PAX5: variants seen among roughly 807,000 people sequenced by gnomAD.
PAX5 encodes paired box protein Pax-5.
In PAX5, 9 loss-of-function variants were observed where a neutral mutation model predicts 43.7. The observed-to-expected ratio is 0.21, with a 90% CI of 0.12 to 0.36. PAX5 has a LOEUF of 0.36. Ranked by LOEUF, PAX5 falls within the 10% of genes least tolerant of loss-of-function variation. The probability of loss-of-function intolerance (pLI) is 1.00; values close to 1 mark genes in which losing one functional copy is unlikely to be tolerated. For missense variants in PAX5, 383 were observed against 532.7 expected (o/e 0.72, Z 2.77); for synonymous variants, 228 against 214.3 (o/e 1.06, Z -0.56).
chr9:36,902,765 A>T (rs1024294363), intron 7 of PAX5, among the ~76,000 whole-genome samples: 3 of 152,102 alleles, frequency 2.0e-5, no homozygotes, highest in Admixed American at 6.5e-5. Flanking sequence ...TTTGAAATCT[A>T]CCCCCACCCA....
chr9:36,835,807 C>T lies in PAX5; in HGVS notation c.*4753G>A. 1 of 233,326 alleles carries T rather than the reference C, an allele frequency of 4.3e-6. No individual in the cohort carries two copies. The highest frequency in any genetic ancestry group is 8.5e-6 in the Non-Finnish European group (1 of 118,104). 14.5% of individuals were successfully genotyped at this position (233,326 alleles called of 1,614,324 possible). A position where few individuals can be genotyped will look rare whatever the true frequency, so the allele number is the denominator to read the frequency against. On this transcript the variant is annotated 3_prime_UTR_variant, in exon 10 of 10. Coordinates refer to ENST00000358127, the MANE Select transcript of PAX5 (RefSeq NM_016734.3). ...CAGAACTGGCCTCGTAGTGGGGCCA[C>T]CGTGGAGCCGGTCTAGCTCAGAGCC...
At chr9:36,919,749 A>C (rs1162455315) in intron 7 of PAX5, among the ~76,000 whole-genome samples, 4 of 147,974 alleles carry the variant, frequency 2.7e-5, no homozygotes, top group Non-Finnish European at 5.9e-5. Flanking sequence ...GCTGAGGCAG[A>C]GAATTGCTTG....
intron 7 of PAX5, among the ~76,000 whole-genome samples, chr9:36,917,851 A>G (rs937858727): frequency 3.3e-5 from 5 of 152,148 alleles, no homozygotes; most frequent in African/African-American, 1.2e-4. Flanking sequence ...CATTTTGGTA[A>G]TTTTTGCGAC....
chr9:36,900,629 G>A (rs957413210), intron 7 of PAX5, among the ~76,000 whole-genome samples: 2 of 152,026 alleles, frequency 1.3e-5, no homozygotes, highest in African/African-American at 4.8e-5. Flanking sequence ...CCCCCACTCC[G>A]GGCTTCTCCA....
chr9:36,972,567 C>T (rs1016720095), intron 5 of PAX5, among the ~76,000 whole-genome samples: 4 of 152,278 alleles, frequency 2.6e-5, no homozygotes, highest in Middle Eastern at 3.4e-3. Context: ...TCCATCCCAC[C>T]GCTAAGAGAC....
intron 8 of PAX5, among the ~76,000 whole-genome samples, chr9:36,874,524 C>T (rs569381020): frequency 6.6e-6 from 1 of 152,326 alleles, no homozygotes; most frequent in South Asian, 2.1e-4. Context: ...TAGGCTTAGC[C>T]TTCTGCCCTA....
At chr9:36,881,625 C>A (rs554475131) in intron 8 of PAX5, among the ~76,000 whole-genome samples, 4 of 148,622 alleles carry the variant, frequency 2.7e-5, no homozygotes, top group African/African-American at 9.8e-5. Context: ...TCTGCTTGTT[C>A]GTGTCACACG....
intron 3 of PAX5, among the ~76,000 whole-genome samples, chr9:37,012,376 T>A (rs532263869): frequency 2.0e-5 from 3 of 152,280 alleles, no homozygotes; most frequent in African/African-American, 7.2e-5. Flanking sequence ...GCACTCTCCA[T>A]CTTGGCCTCT....
chr9:36,927,711 T>C (rs1005319820), intron 6 of PAX5, among the ~76,000 whole-genome samples: 4 of 101,234 alleles, frequency 4.0e-5, no homozygotes, highest in Admixed American at 9.2e-5. Context: ...TTTTTCTTTT[T>C]CTTTTTTTTT....
At chr9:37,001,412 T>C (rs1196222130) in intron 5 of PAX5, among the ~76,000 whole-genome samples, 1 of 151,964 alleles carries the variant, frequency 6.6e-6, no homozygotes, top group Non-Finnish European at 1.5e-5. Flanking sequence ...ACCATCAACC[T>C]CATAAAACAA....
At chr9:37,017,658 G>A (rs2988000) in intron 2 of PAX5, among the ~76,000 whole-genome samples, 133,348 of 152,264 alleles carry the variant, frequency 0.88, 60,321 homozygotes, top group Non-Finnish European at 1. Flanking sequence ...AGCAACTCTG[G>A]GAGGGTGGCA....
chr9:36,929,150 T>A (rs1405203550), intron 6 of PAX5, among the ~76,000 whole-genome samples: 1 of 151,642 alleles, frequency 6.6e-6, no homozygotes, highest in African/African-American at 2.4e-5. Flanking sequence ...GCAGGCCACC[T>A]CAAGTTCTTT....
intron 8 of PAX5, among the ~76,000 whole-genome samples, chr9:36,876,307 G>A (rs1397958105): frequency 6.6e-6 from 1 of 152,204 alleles, no homozygotes; most frequent in Admixed American, 6.5e-5. Context: ...CAATTGAAAG[G>A]CATCTAGAAA....
At chr9:37,027,004 G>A (rs1336288495) in intron 1 of PAX5, among the ~76,000 whole-genome samples, 2 of 152,226 alleles carry the variant, frequency 1.3e-5, no homozygotes, top group Non-Finnish European at 1.5e-5. Context: ...TCACTCAGGG[G>A]GCGGAGAGAC....
intron 8 of PAX5, among the ~76,000 whole-genome samples, chr9:36,858,683 C>T (rs952016520): frequency 6.6e-6 from 1 of 152,148 alleles, no homozygotes; most frequent in Non-Finnish European, 1.5e-5. Flanking sequence ...CAAAAATGGC[C>T]CAGCCCCCTC....
intron 7 of PAX5, among the ~76,000 whole-genome samples, chr9:36,921,483 G>A (rs947570220): frequency 2.6e-5 from 4 of 152,258 alleles, no homozygotes; most frequent in African/African-American, 4.8e-5. Flanking sequence ...CACGGGCCCT[G>A]GCATTCAACT....
intron 3 of PAX5, among the ~76,000 whole-genome samples, chr9:37,014,492 G>A (rs1839223621): frequency 6.6e-6 from 1 of 152,208 alleles, no homozygotes; most frequent in African/African-American, 2.4e-5. Context: ...GCTTGTGGCA[G>A]AGCTGGAACA....
rs56175234 is a variant in PAX5 at position 36,834,417 on chromosome 9, AGTGTGTGTGTGTGT to A, written c.*6129_*6142del. 9.8e-5 allele frequency: 22 copies of A among 224,208 alleles called. No individual in the cohort carries two copies. Among genetic ancestry groups the A allele is most frequent in the Non-Finnish European group, 1.7e-4 (20 of 114,640 alleles). 13.9% of individuals were successfully genotyped at this position (224,208 alleles called of 1,614,324 possible). A position where few individuals can be genotyped will look rare whatever the true frequency, so the allele number is the denominator to read the frequency against. On this transcript the variant is annotated 3_prime_UTR_variant, in exon 10 of 10. Transcript: ENST00000358127. ...TGTCTGAGGTGTAGGGGAGTGAGTG[AGTGTGTGTGTGTGT>A]GTGTGTGTGTGTGTGTGTGTGTTTA...
At chr9:36,947,242 A>G (rs537312535) in intron 6 of PAX5, among the ~76,000 whole-genome samples, 6 of 152,186 alleles carry the variant, frequency 3.9e-5, no homozygotes, top group African/African-American at 1.4e-4. Flanking sequence ...CCAAAGTGAC[A>G]AGCCCTGATG....
Sources: allele counts gnomAD v4.1 joint callset (sites outside exome capture counted in the v4.1 genomes callset), GRCh38; gene constraint gnomAD v4.1.1; transcripts MANE v1.5; gene names NCBI Gene and HGNC (gene_info 2026-07-23, HGNC 2026-07-21).